QTGAL: variants seen among roughly 807,000 people sequenced by gnomAD.
QTGAL encodes the protein queuosine-tRNA galactosyltransferase.
the QTGAL span, among the ~76,000 whole-genome samples, chr17:83,015,206 G>A: frequency 3.0e-5 from 4 of 133,564 alleles, no homozygotes; most frequent in African/African-American, 5.8e-5. The surrounding 1 kb of genome is among the most constrained non-coding windows in gnomAD (Gnocchi z 4.4). Context: ...GACCATCTGC[G>A]GTGAGGACCT....
chr17:82,965,160 G>A, the QTGAL span, among the ~76,000 whole-genome samples: 5 of 134,808 alleles, frequency 3.7e-5, no homozygotes, highest in South Asian at 4.6e-4. Flanking sequence ...GCACTCCCAC[G>A]GGGGGGATGG....
At chr17:82,946,897 G>A in the QTGAL span, 3 of 1,560,276 alleles carry the variant, frequency 1.9e-6, no homozygotes, top group Non-Finnish European at 1.7e-6. Context: ...AGCTGCCATG[G>A]GTCCGTCAGC....
At chr17:82,993,755 A>AT in the QTGAL span, among the ~76,000 whole-genome samples, 1 of 151,830 alleles carries the variant, frequency 6.6e-6, no homozygotes, top group East Asian at 1.9e-4. Context: ...GTCTTACAAC[A>AT]TTAAAAAAAA....
At chr17:83,036,845 T>TC in the QTGAL span, among the ~76,000 whole-genome samples, 1 of 152,014 alleles carries the variant, frequency 6.6e-6, no homozygotes, top group Non-Finnish European at 1.5e-5. Flanking sequence ...CTAAGAAGGC[T>TC]CAACTTCCCC....
chr17:82,993,507 T>C, the QTGAL span, among the ~76,000 whole-genome samples: 1 of 152,040 alleles, frequency 6.6e-6, no homozygotes, highest in African/African-American at 2.4e-5. Flanking sequence ...AGATAGACCC[T>C]CAATATAATA....
At chr17:83,006,038 G>T in the QTGAL span, 5 of 1,025,064 alleles carry the variant, frequency 4.9e-6, no homozygotes, top group Non-Finnish European at 5.8e-6. This position sits in a 1 kb window ranked among gnomAD's most constrained non-coding sequence, Gnocchi z 5.8. Context: ...GTAGGAAACA[G>T]CACCCACCCC....
At chr17:83,016,766 T>TGGAAGGAGGGAGGAGGGA in the QTGAL span, among the ~76,000 whole-genome samples, 1 of 99,130 alleles carries the variant, frequency 1.0e-5, no homozygotes, top group Non-Finnish European at 2.1e-5. Flanking sequence ...AGAAGGGAGA[T>TGGAAGGAGGGAGGAGGGA]GGAAGGAGGG....
the QTGAL span, among the ~76,000 whole-genome samples, chr17:82,966,685 C>T: frequency 1.6e-3 from 240 of 152,258 alleles, 1 homozygote; most frequent in African/African-American, 5.5e-3. Context: ...CACAAAGCCC[C>T]AGCCTCAGAC....
chr17:82,983,729 A>C, the QTGAL span, among the ~76,000 whole-genome samples: 1 of 152,130 alleles, frequency 6.6e-6, no homozygotes, highest in Non-Finnish European at 1.5e-5. Flanking sequence ...GGGCAGGGGC[A>C]CCAGGCAGGG....
the QTGAL span, among the ~76,000 whole-genome samples, chr17:82,994,421 C>A: frequency 1.4e-4 from 22 of 151,800 alleles, no homozygotes; most frequent in Non-Finnish European, 3.1e-4. Flanking sequence ...AGAAATAAAT[C>A]TAGGGGAAGA....
At chr17:83,011,767 A>C in the QTGAL span, among the ~76,000 whole-genome samples, 1 of 152,210 alleles carries the variant, frequency 6.6e-6, no homozygotes, top group Non-Finnish European at 1.5e-5. Context: ...GTAGCAAGAA[A>C]AAGGTTTAAA....
chr17:82,965,817 C>T, the QTGAL span: 1 of 1,431,384 alleles, frequency 7.0e-7, no homozygotes, highest in Non-Finnish European at 9.7e-7. Flanking sequence ...CAGTTTATTT[C>T]CACAAAGTGT....
At chr17:83,045,983 C>G in the QTGAL span, among the ~76,000 whole-genome samples, 1 of 151,922 alleles carries the variant, frequency 6.6e-6, no homozygotes, top group Non-Finnish European at 1.5e-5. Flanking sequence ...GCCACTACTC[C>G]AAGCTAATTT....
the QTGAL span, among the ~76,000 whole-genome samples, chr17:83,039,291 GCCGCCCGCCC>G: frequency 1.1e-5 from 1 of 88,742 alleles, no homozygotes; most frequent in African/African-American, 4.5e-5. Flanking sequence ...CTGGGCGCCC[GCCGCCCGCCC>G]CTCTTCTAGA....
the QTGAL span, among the ~76,000 whole-genome samples, chr17:83,018,716 G>C: frequency 6.6e-6 from 1 of 152,202 alleles, no homozygotes; most frequent in Non-Finnish European, 1.5e-5. Context: ...CGGGCTCCTG[G>C]AATTAACTTC....
chr17:83,019,125 C>CT, the QTGAL span, among the ~76,000 whole-genome samples: 1 of 152,174 alleles, frequency 6.6e-6, no homozygotes, highest in Non-Finnish European at 1.5e-5. Context: ...CCTCATGCCT[C>CT]TGAGTCCACG....
the QTGAL span, chr17:83,005,318 A>G: frequency 1.0e-6 from 1 of 961,848 alleles, no homozygotes; most frequent in Non-Finnish European, 1.6e-6. This position sits in a 1 kb window ranked among gnomAD's most constrained non-coding sequence, Gnocchi z 5.6. Context: ...ATGTCCAGAC[A>G]GGAAACTGAA....
chr17:82,943,632 C>G, the QTGAL span: 3 of 152,186 alleles, frequency 2.0e-5, no homozygotes, highest in Admixed American at 6.5e-5. Context: ...ACCACAAGAC[C>G]AGGACTGTGA....
the QTGAL span, chr17:83,048,656 A>G: frequency 6.2e-7 from 1 of 1,610,668 alleles, no homozygotes; most frequent in East Asian, 2.2e-5. Flanking sequence ...CCCGACAGGA[A>G]GTTCCTACAA....
Sources: gnomAD v4.1 joint callset for allele counts (sites outside exome capture counted in the v4.1 genomes callset) on GRCh38, gnomAD v4.1.1 for gene constraint, Gnocchi (gnomAD v3.1) non-coding constraint, MANE v1.5 for transcripts, NCBI Gene and HGNC (gene_info 2026-07-23, HGNC 2026-07-21) for gene names.